CTNNA3: variants seen among roughly 807,000 people sequenced by gnomAD.
CTNNA3 encodes the protein catenin alpha 3.
A neutral mutation model predicts 95.7 loss-of-function variants in CTNNA3; 76 were observed. The observed-to-expected ratio is 0.79, with a 90% CI of 0.66 to 0.96. The LOEUF (loss-of-function observed/expected upper bound fraction) is 0.96, where lower values mean the gene tolerates loss of function less well. CTNNA3 is among the 40% of genes least tolerant of loss of function. CTNNA3 has a pLI of 0.00. For synonymous variants in CTNNA3, 431 were observed against 374.4 expected (o/e 1.15, Z -1.74); for missense variants, 1,191 against 1,089.8 (o/e 1.09, Z -1.31).
At chr10:66,012,794 C>T (rs1272451587) in intron 15 of CTNNA3, among the ~76,000 whole-genome samples, 5 of 152,132 alleles carry the variant, frequency 3.3e-5, no homozygotes, top group Admixed American at 2.6e-4. Flanking sequence ...GGATAGTTTT[C>T]TTTTTGCTAG....
chr10:67,200,309 G>A (rs2132206989), intron 6 of CTNNA3, among the ~76,000 whole-genome samples: 1 of 152,170 alleles, frequency 6.6e-6, no homozygotes, highest in East Asian at 1.9e-4. Context: ...AGGAATGCAT[G>A]AATAAAAAAA....
intron 5 of CTNNA3, among the ~76,000 whole-genome samples, chr10:67,288,673 C>T (rs552212171): frequency 9.2e-5 from 14 of 152,248 alleles, no homozygotes; most frequent in Non-Finnish European, 1.8e-4. Context: ...AAGATCCAAG[C>T]ACTAACACTG....
chr10:67,515,790 T>G (rs1839792854), intron 5 of CTNNA3, among the ~76,000 whole-genome samples: 1 of 152,150 alleles, frequency 6.6e-6, no homozygotes, highest in African/African-American at 2.4e-5. Flanking sequence ...ATTGAGCAAT[T>G]AACATACTTC....
At chr10:67,717,339 A>G (rs1300043844) in intron 1 of CTNNA3, among the ~76,000 whole-genome samples, 2 of 152,052 alleles carry the variant, frequency 1.3e-5, no homozygotes, top group South Asian at 2.1e-4. Flanking sequence ...TCATTTGTCT[A>G]TTTTGGCTTC....
intron 11 of CTNNA3, among the ~76,000 whole-genome samples, chr10:66,404,953 T>C (rs1228491421): frequency 1.3e-5 from 2 of 152,144 alleles, no homozygotes; most frequent in Non-Finnish European, 2.9e-5. Flanking sequence ...GTGGGAGAAG[T>C]AAGCGTGATA....
chr10:67,236,050 T>G (rs1294172883), intron 5 of CTNNA3, among the ~76,000 whole-genome samples: 7 of 143,688 alleles, frequency 4.9e-5, no homozygotes, highest in African/African-American at 1.4e-4. Flanking sequence ...GGAACACTTT[T>G]ACACTGTTGG....
intron 5 of CTNNA3, among the ~76,000 whole-genome samples, chr10:67,269,651 C>CA (rs762516307): frequency 6.6e-6 from 1 of 151,854 alleles, no homozygotes; most frequent in Admixed American, 6.6e-5. Context: ...AGTGCTCCTC[C>CA]AAAAAAATGC....
At chr10:66,821,031 C>T (rs1842288825) in intron 7 of CTNNA3, among the ~76,000 whole-genome samples, 1 of 151,968 alleles carries the variant, frequency 6.6e-6, no homozygotes. Flanking sequence ...ATATTATCAG[C>T]ATACGTGATT....
At chr10:66,453,196 G>A (rs944058701) in intron 11 of CTNNA3, among the ~76,000 whole-genome samples, 19 of 150,342 alleles carry the variant, frequency 1.3e-4, no homozygotes, top group African/African-American at 4.2e-4. Context: ...CAGCCTGGGC[G>A]ACAGAAGGAG....
At position 66,547,343 on chromosome 10, in the gene CTNNA3, C is replaced by CTTTTTTTTTTTTTTTTTTTT. The variant is rs1246714246; in HGVS notation, c.1375-26571_1375-26570insAAAAAAAAAAAAAAAAAAAA. 4.9e-3 allele frequency among the ~76,000 whole-genome samples: 405 copies of CTTTTTTTTTTTTTTTTTTTT among 83,170 alleles called. 166 individuals are homozygous for CTTTTTTTTTTTTTTTTTTTT. Among genetic ancestry groups the CTTTTTTTTTTTTTTTTTTTT allele is most frequent in the East Asian group, 0.046 (107 of 2,304 alleles). The allele number at this position is 83,170 out of a possible 152,430, so 54.6% of individuals were successfully genotyped here. A position where few individuals can be genotyped will look rare whatever the true frequency, so the allele number is the denominator to read the frequency against. ...ATTCTTGTTCCTTTGATTTTTCTTTCTTTCTTTTTTTTTTTTTTGAGATAG... is the reference window on the plus strand; with the variant it reads ...ATTCTTGTTCCTTTGATTTTTCTTTCTTTTTTTTTTTTTTTTTTTTTTTCTTTTTTTTTTTTTTGAGATAG... On this transcript the variant is annotated intron_variant, in intron 10 of 17. Coordinates refer to ENST00000433211, the MANE Select transcript of CTNNA3 (RefSeq NM_013266.4).
At chr10:66,678,176 A>C (rs1846932290) in intron 9 of CTNNA3, among the ~76,000 whole-genome samples, 1 of 152,164 alleles carries the variant, frequency 6.6e-6, no homozygotes, top group African/African-American at 2.4e-5. Flanking sequence ...CTGAACAACA[A>C]GGATAAAAAT....
At chr10:67,128,412 A>ATTCC (rs1859828621) in intron 7 of CTNNA3, among the ~76,000 whole-genome samples, 1 of 152,134 alleles carries the variant, frequency 6.6e-6, no homozygotes, top group Non-Finnish European at 1.5e-5. Flanking sequence ...TCAACTGGGA[A>ATTCC]ACAATAATTC....
At chr10:66,444,439 C>G (rs563590112) in intron 11 of CTNNA3, among the ~76,000 whole-genome samples, 4 of 152,042 alleles carry the variant, frequency 2.6e-5, no homozygotes, top group African/African-American at 9.7e-5. Context: ...GTTGGGTTAC[C>G]CACAAAGGGA....
Position 66,142,358 on chromosome 10 carries a change from T to C in CTNNA3, c.1885-39109A>G, listed in dbSNP as rs372317972. Among the ~76,000 whole-genome samples the C allele has an allele frequency of 2.0e-5, 3 of 152,148 alleles. No homozygotes were observed. The East Asian group carries it at 5.8e-4, about 29-fold the overall frequency. ...TTTCTGGGCTCTGTATTCTATTCCA[T>C]TGATTTATTTGTCTATTATTTGACC... On this transcript the variant is annotated intron_variant, in intron 13 of 17. Coordinates refer to ENST00000433211, the MANE Select transcript of CTNNA3 (RefSeq NM_013266.4).
chr10:67,696,576 C>A (rs1840968484), upstream of CTNNA3, among the ~76,000 whole-genome samples: 1 of 152,064 alleles, frequency 6.6e-6, no homozygotes, highest in Non-Finnish European at 1.5e-5. Context: ...GAAATATTAC[C>A]TGTCTCATCC....
chr10:66,293,741 C>T (rs975654980), intron 12 of CTNNA3, among the ~76,000 whole-genome samples: 3 of 150,960 alleles, frequency 2.0e-5, no homozygotes, highest in African/African-American at 4.9e-5. Context: ...TCTCGGCTCA[C>T]TGCAACCTCC....
intron 6 of CTNNA3, among the ~76,000 whole-genome samples, chr10:67,218,557 C>A (rs1308207060): frequency 1.3e-5 from 2 of 152,168 alleles, no homozygotes; most frequent in Non-Finnish European, 2.9e-5. Flanking sequence ...TCTTTCCTTC[C>A]CAAATGTAAC....
intron 9 of CTNNA3, among the ~76,000 whole-genome samples, chr10:66,713,551 T>C (rs975988554): frequency 4.4e-4 from 67 of 152,198 alleles, no homozygotes; most frequent in African/African-American, 1.5e-3. Flanking sequence ...GCTGGTTCCC[T>C]ACTAATAGAT....
At chr10:65,952,132 A>G (rs768604626) in intron 17 of CTNNA3, among the ~76,000 whole-genome samples, 2 of 152,198 alleles carry the variant, frequency 1.3e-5, no homozygotes, top group Non-Finnish European at 2.9e-5. Flanking sequence ...GGTTTCTTCA[A>G]GTACCATTAT....
Sources: allele counts gnomAD v4.1 joint callset (sites outside exome capture counted in the v4.1 genomes callset), GRCh38; gene constraint gnomAD v4.1.1; transcripts MANE v1.5; gene names NCBI Gene and HGNC (gene_info 2026-07-23, HGNC 2026-07-21).